RPTOR: variants seen among roughly 807,000 people sequenced by gnomAD.
RPTOR encodes regulatory associated protein of MTOR complex 1.
In RPTOR, 21 loss-of-function variants were observed where a neutral mutation model predicts 169.9. The ratio of observed to expected loss-of-function variants is 0.12; its 90% CI spans 0.09 to 0.18. The LOEUF is 0.18. Among genes scored for constraint, RPTOR ranks in the 10% least tolerant of loss-of-function variants. The pLI, the probability that RPTOR is intolerant of heterozygous loss-of-function variation, is 1.00. For synonymous variants in RPTOR, 732 were observed against 753.2 expected (o/e 0.97, Z 0.46); for missense variants, 1,133 against 1,855.9 (o/e 0.61, Z 7.16).
At position 80,959,592 on chromosome 17, in the gene RPTOR, C is replaced by T. The variant is rs568626814; in HGVS notation, c.3478-486C>T. Among the ~76,000 whole-genome samples the T allele has an allele frequency of 2.3e-3, 351 of 152,348 alleles. 3 individuals are homozygous for T. Among genetic ancestry groups the T allele is most frequent in the Non-Finnish European group, 4.1e-3 (278 of 68,016 alleles). On this transcript the variant is annotated intron_variant, in intron 29 of 33. Coordinates refer to ENST00000306801, the MANE Select transcript of RPTOR (RefSeq NM_020761.3). This position sits in a 1 kb window ranked among gnomAD's most constrained non-coding sequence, Gnocchi z 6.7. ...CCCCGCTTCTCCAGCACTTAGAGCCCCCGAGGGAGCCAGATGACCCCTCCT... is the reference window on the plus strand; with the variant it reads ...CCCCGCTTCTCCAGCACTTAGAGCCTCCGAGGGAGCCAGATGACCCCTCCT...
At chr17:80,811,694 C>G (rs962218936) in intron 7 of RPTOR, among the ~76,000 whole-genome samples, 3 of 151,206 alleles carry the variant, frequency 2.0e-5, no homozygotes, top group South Asian at 2.1e-4. Context: ...CCCTCTCCAA[C>G]AAGGCCTAAA....
intron 3 of RPTOR, among the ~76,000 whole-genome samples, chr17:80,686,170 C>A (rs1407069420): frequency 6.6e-6 from 1 of 150,792 alleles, no homozygotes; most frequent in Non-Finnish European, 1.5e-5. Context: ...CATAAACTCA[C>A]CTGAGCTTCA....
chr17:80,809,837 G>A (rs1047688075), intron 7 of RPTOR, among the ~76,000 whole-genome samples: 9 of 152,040 alleles, frequency 5.9e-5, no homozygotes, highest in Non-Finnish European at 1.3e-4. Flanking sequence ...AGGAGATCGA[G>A]ACCATCCTAG....
intron 10 of RPTOR, among the ~76,000 whole-genome samples, chr17:80,841,347 AGCTC>A (rs1406259588): frequency 4.2e-5 from 5 of 118,970 alleles, no homozygotes; most frequent in African/African-American, 1.8e-4. Context: ...ACCGCACGGC[AGCTC>A]GCTCTCTCTG....
chr17:80,868,525 G>A (rs2068017614), intron 13 of RPTOR, among the ~76,000 whole-genome samples: 1 of 152,192 alleles, frequency 6.6e-6, no homozygotes, highest in Non-Finnish European at 1.5e-5. Context: ...ATGCTGCTGA[G>A]GGCAGTGCAA....
chr17:80,670,462 C>G (rs181402104), intron 3 of RPTOR, among the ~76,000 whole-genome samples: 11 of 152,262 alleles, frequency 7.2e-5, no homozygotes, highest in Admixed American at 2.6e-4. Context: ...TGTCAGCACT[C>G]GATTTTGACA....
At chr17:80,694,975 C>A (rs1038446807) in intron 3 of RPTOR, among the ~76,000 whole-genome samples, 1 of 152,162 alleles carries the variant, frequency 6.6e-6, no homozygotes, top group African/African-American at 2.4e-5. Flanking sequence ...TCCCCAGAAG[C>A]CTCTGGGCCT....
intron 1 of RPTOR, among the ~76,000 whole-genome samples, chr17:80,561,981 T>G (rs553574496): frequency 6.6e-6 from 1 of 152,306 alleles, no homozygotes; most frequent in Admixed American, 6.5e-5. Context: ...TGTTTATACG[T>G]ATGTATTTAT....
At chr17:80,916,585 A>G (rs536083516) in intron 21 of RPTOR, among the ~76,000 whole-genome samples, 2 of 152,370 alleles carry the variant, frequency 1.3e-5, no homozygotes, top group East Asian at 3.9e-4. Context: ...AGTGGGTCCA[A>G]GTAAAAACTC....
In RPTOR at chr17:80,965,250, C is replaced by T. The variant is rs541838296; in HGVS notation, c.*920C>T. The T allele has an allele frequency of 2.6e-5, 6 of 233,394 alleles. No homozygotes were observed. The highest frequency in any genetic ancestry group is 5.6e-5 in the Admixed American group (1 of 17,808). 14.5% of individuals were successfully genotyped at this position (233,394 alleles called of 1,614,324 possible). A position where few individuals can be genotyped will look rare whatever the true frequency, so the allele number is the denominator to read the frequency against. Reference sequence around the variant, plus strand: ...ACGCATGTGCAGATGGCACCACGGCCGGCACCTGGGGGCACACACATGCAG... The same window carrying T: ...ACGCATGTGCAGATGGCACCACGGCTGGCACCTGGGGGCACACACATGCAG... On this transcript the variant is annotated 3_prime_UTR_variant, in exon 34 of 34. Coordinates refer to ENST00000306801, the MANE Select transcript of RPTOR (RefSeq NM_020761.3).
chr17:80,742,003 C>T (rs367884158), intron 5 of RPTOR, among the ~76,000 whole-genome samples: 5 of 152,060 alleles, frequency 3.3e-5, no homozygotes, highest in African/African-American at 9.7e-5. Flanking sequence ...TGCTGTTGAG[C>T]GGCTCACACG....
rs546489230 is a variant in RPTOR, at chr17:80,564,459, CTTATT to C, written c.162+18681_162+18685del. Among the ~76,000 whole-genome samples the C allele has an allele frequency of 1.4e-3, 212 of 152,216 alleles. 3 individuals carry two copies. Among genetic ancestry groups the C allele is most frequent in the African/African-American group, 4.8e-3 (199 of 41,550 alleles). On this transcript the variant is annotated intron_variant, in intron 1 of 33. Transcript: ENST00000306801. ...CTCTAGGAGATACCGCCACACCCTT[CTTATT>C]TTATTTTATTTTTTCATATTAAAAC...
chr17:80,708,928 C>T lies in RPTOR; in HGVS notation c.507+929C>T. On this transcript the variant is annotated intron_variant, in intron 4 of 33. Transcript: ENST00000306801. This position sits in a 1 kb window ranked among gnomAD's most constrained non-coding sequence, Gnocchi z 4.2. The stretch of plus-strand genomic sequence containing the variant: ...GCTTCCTTAGTGTGGACACCGCCTC[C>T]TGCCATCATAGTGAGGACTCTGACT... 4.1e-6 allele frequency: 4 copies of T among 985,818 alleles called. No homozygotes were observed. Among genetic ancestry groups the T allele is most frequent in the Non-Finnish European group, 2.4e-6 (2 of 829,920 alleles). 61.1% of individuals were successfully genotyped at this position (985,818 alleles called of 1,614,324 possible). A position where few individuals can be genotyped will look rare whatever the true frequency, so the allele number is the denominator to read the frequency against.
chr17:80,654,335 A>T (rs2065663545), intron 3 of RPTOR, among the ~76,000 whole-genome samples: 2 of 152,276 alleles, frequency 1.3e-5, no homozygotes, highest in South Asian at 4.1e-4. Context: ...CTCCCAGGTG[A>T]GGGCTGCACG....
At chr17:80,670,954 G>A (rs779117626) in intron 3 of RPTOR, among the ~76,000 whole-genome samples, 32 of 152,122 alleles carry the variant, frequency 2.1e-4, no homozygotes, top group Non-Finnish European at 4.3e-4. Context: ...GTTGCACACT[G>A]GAACTTATCC....
intron 24 of RPTOR, among the ~76,000 whole-genome samples, chr17:80,930,195 GCCCAGC>G (rs2068862658): frequency 5.3e-5 from 1 of 18,736 alleles, no homozygotes; most frequent in African/African-American, 2.1e-4. Flanking sequence ...CCCAGCTCAT[GCCCAGC>G]TCATCCCCAG....
chr17:80,612,398 T>A (rs1174030156), intron 1 of RPTOR, among the ~76,000 whole-genome samples: 28 of 152,212 alleles, frequency 1.8e-4, no homozygotes, highest in Admixed American at 1.8e-3. Flanking sequence ...CCCAAAGTGC[T>A]AGGATTGCAG....
chr17:80,693,736 A>G (rs1157342643), intron 3 of RPTOR, among the ~76,000 whole-genome samples: 2 of 152,230 alleles, frequency 1.3e-5, no homozygotes, highest in East Asian at 1.9e-4. Context: ...CCTTCCACGC[A>G]GGGTGGGCGT....
At chr17:80,952,575 C>T (rs138893176) in intron 28 of RPTOR, among the ~76,000 whole-genome samples, 2 of 152,362 alleles carry the variant, frequency 1.3e-5, no homozygotes, top group African/African-American at 2.4e-5. Flanking sequence ...AGGCTCCCCA[C>T]GTCACCCCTG....
Sources: allele counts gnomAD v4.1 joint callset (sites outside exome capture counted in the v4.1 genomes callset), GRCh38; gene constraint gnomAD v4.1.1; non-coding constraint Gnocchi (gnomAD v3.1); transcripts MANE v1.5; gene names NCBI Gene and HGNC (gene_info 2026-07-23, HGNC 2026-07-21).